Variants in CUL5 observed in about 807,000 individuals in gnomAD.
CUL5 encodes cullin 5, also known as cullin-5.
CUL5 carries 26 observed loss-of-function variants against 108.8 expected under a neutral mutation model. The observed-to-expected ratio is 0.24, with a 90% CI of 0.18 to 0.33. The LOEUF (loss-of-function observed/expected upper bound fraction) is 0.33. CUL5 is among the 10% of genes least tolerant of loss of function. The pLI, the probability that CUL5 is intolerant of heterozygous loss-of-function variation, is 1.00. For synonymous variants in CUL5, 334 were observed against 298.0 expected (o/e 1.12, Z -1.25); for missense variants, 524 against 909.2 (o/e 0.58, Z 5.45).
chr11:108,031,019 T>C (rs148217233), intron 1 of CUL5, among the ~76,000 whole-genome samples: 74 of 152,272 alleles, frequency 4.9e-4, no homozygotes, highest in African/African-American at 1.7e-3. Context: ...ATACAATCAC[T>C]GTATGCATCT....
intron 2 of CUL5, among the ~76,000 whole-genome samples, chr11:108,046,034 T>A (rs1209952274): frequency 6.6e-6 from 1 of 152,082 alleles, no homozygotes. Flanking sequence ...ATAACTAAAT[T>A]TTATGTGGTA....
At chr11:108,087,252 C>T (rs1864240952) in intron 11 of CUL5, among the ~76,000 whole-genome samples, 1 of 152,062 alleles carries the variant, frequency 6.6e-6, no homozygotes, top group South Asian at 2.1e-4. Flanking sequence ...AAGTTTCATC[C>T]ACCCCACTAA....
chr11:108,042,458 G>T (rs993666283), intron 2 of CUL5, among the ~76,000 whole-genome samples: 16 of 152,074 alleles, frequency 1.1e-4, no homozygotes, highest in Non-Finnish European at 2.9e-5. Flanking sequence ...CTGGCCTCCA[G>T]TGATCCACCA....
intron 7 of CUL5, among the ~76,000 whole-genome samples, chr11:108,067,817 TTC>T (rs1322755816): frequency 6.6e-6 from 1 of 152,204 alleles, no homozygotes; most frequent in Non-Finnish European, 1.5e-5. Flanking sequence ...GTTGGGCCTA[TTC>T]CAGTGATGTT....
intron 10 of CUL5, among the ~76,000 whole-genome samples, chr11:108,074,477 G>GT (rs1160627358): frequency 6.6e-6 from 1 of 151,764 alleles, no homozygotes; most frequent in Non-Finnish European, 1.5e-5. Flanking sequence ...TTACAGGCCT[G>GT]AGCTACTGTG....
intron 18 of CUL5, among the ~76,000 whole-genome samples, chr11:108,099,856 G>GA (rs1443073627): frequency 6.7e-6 from 1 of 149,548 alleles, no homozygotes; most frequent in East Asian, 2.0e-4. Flanking sequence ...TGCTCAGCAT[G>GA]AAAAACTATA....
At chr11:108,040,724 C>T (rs11212492) in intron 2 of CUL5, among the ~76,000 whole-genome samples, 9,649 of 151,376 alleles carry the variant, frequency 0.064, 420 homozygotes, top group Non-Finnish European at 0.1. Flanking sequence ...TTTTAAGTTA[C>T]GAGCTTATCA....
intron 7 of CUL5, among the ~76,000 whole-genome samples, chr11:108,058,415 A>AT (rs1319876450): frequency 6.6e-6 from 1 of 150,652 alleles, no homozygotes; most frequent in Admixed American, 6.6e-5. Flanking sequence ...CACCCGGCTA[A>AT]TTTTTTGTAT....
intron 13 of CUL5, among the ~76,000 whole-genome samples, chr11:108,092,630 T>G (rs1401894458): frequency 6.6e-6 from 1 of 152,146 alleles, no homozygotes; most frequent in African/African-American, 2.4e-5. Flanking sequence ...TAATGTGAAG[T>G]GTCCAGAATA....
At chr11:108,080,044 TGTA>T (rs1864036753) in intron 11 of CUL5, among the ~76,000 whole-genome samples, 1 of 152,126 alleles carries the variant, frequency 6.6e-6, no homozygotes, top group South Asian at 2.1e-4. Flanking sequence ...TTGGGATGTA[TGTA>T]GTAGTATCTT....
At chr11:108,058,761 C>CT (rs1211933598) in intron 7 of CUL5, among the ~76,000 whole-genome samples, 1 of 152,066 alleles carries the variant, frequency 6.6e-6, no homozygotes, top group African/African-American at 2.4e-5. Flanking sequence ...AAGCCCTACT[C>CT]TTACAGTTTT....
intron 10 of CUL5, among the ~76,000 whole-genome samples, chr11:108,076,708 A>G (rs911358204): frequency 6.6e-6 from 1 of 152,142 alleles, no homozygotes; most frequent in Non-Finnish European, 1.5e-5. Context: ...TGGTGATTTC[A>G]TTTCCTTTGG....
intron 7 of CUL5, among the ~76,000 whole-genome samples, chr11:108,063,045 A>G (rs1179187727): frequency 1.3e-5 from 2 of 152,082 alleles, no homozygotes; most frequent in African/African-American, 2.4e-5. Context: ...GGGTTTCTCC[A>G]TGTTGGTCAG....
chr11:108,034,582 T>C (rs910766860), intron 2 of CUL5, among the ~76,000 whole-genome samples: 6 of 152,170 alleles, frequency 3.9e-5, no homozygotes, highest in African/African-American at 1.4e-4. Flanking sequence ...GCAGTCAGGT[T>C]GAATTAAAAG....
At chr11:108,077,555 A>G (rs967098665) in intron 10 of CUL5, among the ~76,000 whole-genome samples, 4 of 151,730 alleles carry the variant, frequency 2.6e-5, no homozygotes, top group African/African-American at 9.7e-5. Flanking sequence ...GCTTGAACCC[A>G]GGAGGTGGTG....
Position 108,089,628 on chromosome 11 carries a change from G to T in CUL5, c.1443+5G>T. ...AACATGGTAGAGTGGCTAAGAGTAAGTAAATTTTTTTAAATATTTGGTTTT... is the reference window on the plus strand; with the variant it reads ...AACATGGTAGAGTGGCTAAGAGTAATTAAATTTTTTTAAATATTTGGTTTT... On this transcript the variant is annotated splice_donor_5th_base_variant and intron_variant, in intron 13 of 18. Transcript: ENST00000393094. 1 of 1,485,506 alleles carries T rather than the reference G, an allele frequency of 6.7e-7. No individual in the cohort carries two copies. The highest frequency in any genetic ancestry group is 8.9e-7 in the Non-Finnish European group (1 of 1,120,280). The allele number at this position is 1,485,506 out of a possible 1,614,324, so 92.0% of individuals were successfully genotyped here. A position where few individuals can be genotyped will look rare whatever the true frequency, so the allele number is the denominator to read the frequency against.
intron 13 of CUL5, among the ~76,000 whole-genome samples, chr11:108,093,200 C>G (rs76807653): frequency 6.6e-6 from 1 of 152,120 alleles, no homozygotes; most frequent in Non-Finnish European, 1.5e-5. Flanking sequence ...TAGCTTTTGC[C>G]TTCTTGTGTA....
At chr11:108,068,786 A>T (rs1343642180) in intron 7 of CUL5, among the ~76,000 whole-genome samples, 1 of 152,168 alleles carries the variant, frequency 6.6e-6, no homozygotes, top group Non-Finnish European at 1.5e-5. Flanking sequence ...TGCCTCATTT[A>T]GATTTTCCTG....
intron 7 of CUL5, among the ~76,000 whole-genome samples, chr11:108,056,186 T>C (rs1291114165): frequency 6.6e-6 from 1 of 152,186 alleles, no homozygotes; most frequent in Admixed American, 6.5e-5. Context: ...AAAGTTAGAA[T>C]CTAGTTGGGA....
Sources: allele counts gnomAD v4.1 joint callset (sites outside exome capture counted in the v4.1 genomes callset), GRCh38; gene constraint gnomAD v4.1.1; transcripts MANE v1.5; gene names NCBI Gene and HGNC (gene_info 2026-07-23, HGNC 2026-07-21).